Variants in SIKE1 observed in about 807,000 individuals in gnomAD.
The protein encoded by SIKE1 is suppressor of IKK epsilon.
SIKE1 carries 13 observed loss-of-function variants against 25.8 expected under a neutral mutation model. The observed-to-expected ratio is 0.50, with a 90% CI of 0.33 to 0.80. The LOEUF (loss-of-function observed/expected upper bound fraction) is 0.80, where lower values mean the gene tolerates loss of function less well. Ranked by LOEUF, SIKE1 falls within the 30% of genes least tolerant of loss-of-function variation. The pLI, the probability that SIKE1 is intolerant of heterozygous loss-of-function variation, is 0.02. For missense variants in SIKE1, 222 were observed against 252.4 expected (o/e 0.88, Z 0.82); for synonymous variants, 86 against 95.5 (o/e 0.90, Z 0.58).
Position 114,771,016 on chromosome 1 carries a change from T to C in SIKE1, c.*3255A>G, listed in dbSNP as rs1421566443. 6.6e-6 allele frequency: 1 copy of C among 152,246 alleles called. No homozygotes were observed. The highest frequency in any genetic ancestry group is 1.5e-5 in the Non-Finnish European group (1 of 68,042). The allele number at this position is 152,246 out of a possible 1,614,324, so 9.4% of individuals were successfully genotyped here. A position where few individuals can be genotyped will look rare whatever the true frequency, so the allele number is the denominator to read the frequency against. ...TTGCTTTCCCTCATAAAAGGCGATA[T>C]ATATAGCTGGCACAGGCCATTTCCA... is the stretch of plus-strand genomic sequence containing the variant. On this transcript the variant is annotated 3_prime_UTR_variant, in exon 5 of 5. Transcript: ENST00000060969.
In SIKE1 at chr1:114,780,546, T is replaced by A. The variant is rs772960809; in HGVS notation, c.62A>T (p.Glu21Val). 6.2e-7 allele frequency: 1 copy of A among 1,613,522 alleles called. No individual in the cohort carries two copies. Among genetic ancestry groups the A allele is most frequent in the South Asian group, 1.1e-5 (1 of 91,068 alleles). ...DAKTLLERLR[E>V]HDAAAESLVD... ...CAGCGACTCGGCGGCCGCATCGTGCTCCCGTAGCCTCTCCAGCAGCGTCTT... is the reference window on the plus strand; with the variant it reads ...CAGCGACTCGGCGGCCGCATCGTGCACCCGTAGCCTCTCCAGCAGCGTCTT... The change falls in exon 1 of 5, where the codon GAG becomes GTG. Residue 21 changes from glutamate (E) to valine (V), a missense_variant. Coordinates refer to ENST00000060969, the MANE Select transcript of SIKE1 (RefSeq NM_025073.3).
In SIKE1 at chr1:114,780,472, C is replaced by A. The variant is rs1662372542; in HGVS notation, c.136G>T (p.Ala46Ser). 6 of 1,613,110 alleles carry A rather than the reference C, an allele frequency of 3.7e-6. No homozygotes were observed. Among genetic ancestry groups the A allele is most frequent in the Non-Finnish European group, 4.2e-6 (5 of 1,180,044 alleles). The change falls in exon 1 of 5, where the codon GCG (alanine) becomes TCG (serine). Residue 46 changes from alanine (A) to serine (S), a missense_variant. Coordinates refer to ENST00000060969, the MANE Select transcript of SIKE1 (RefSeq NM_025073.3). ...ACCTGGTCCGGAAGCGCTGTCCCCG[C>A]CTCCCGCATAGCTGCTACCCGCCGG... ...LHRRVAAMRE[A>S]GTALPDQYQE... is the part of the protein sequence containing the mutation.
chr1:114,774,599 G>A (rs191310728), intron 4 of SIKE1, among the ~76,000 whole-genome samples: 227 of 152,246 alleles, frequency 1.5e-3, no homozygotes, highest in Non-Finnish European at 3.0e-3. Flanking sequence ...GTAATTTACT[G>A]AGTAATTTCT....
rs1662382476 is a variant in SIKE1, at chr1:114,780,616, C to A, written c.-9G>T. On this transcript the variant is annotated 5_prime_UTR_variant, in exon 1 of 5. Transcript: ENST00000060969. Reference sequence around the variant, plus strand: ...TCGATGGTGCAGCTCATAGCAGCAGCACCACCCCAGCCCCTGCCGGGCTCA... The same window carrying A: ...TCGATGGTGCAGCTCATAGCAGCAGAACCACCCCAGCCCCTGCCGGGCTCA... 3 of 1,604,598 alleles carry A rather than the reference C, an allele frequency of 1.9e-6. No individual in the cohort carries two copies. The highest frequency in any genetic ancestry group is 1.3e-5 in the African/African-American group (1 of 74,906).
chr1:114,779,512 T>C (rs1662342458), intron 2 of SIKE1, among the ~76,000 whole-genome samples: 1 of 152,228 alleles, frequency 6.6e-6, no homozygotes. Context: ...TCAGAAGACA[T>C]GTGTTTGAGT....
rs367762345 is a variant in SIKE1 at position 114,779,097 on chromosome 1, A to C, written c.408+45T>G. ...CAAGCACACAATCTAAAACAATCTCAAGATTTCAATTTGGTTCATTTCGAA... is the reference window on the plus strand; with the variant it reads ...CAAGCACACAATCTAAAACAATCTCCAGATTTCAATTTGGTTCATTTCGAA... On this transcript the variant is annotated intron_variant, in intron 3 of 4. Coordinates refer to ENST00000060969, the MANE Select transcript of SIKE1 (RefSeq NM_025073.3). The C allele has an allele frequency of 2.1e-5, 34 of 1,606,920 alleles. No individual in the cohort carries two copies. In the African/African-American group the frequency reaches 2.4e-4, roughly 11 times the overall value.
Position 114,780,636 on chromosome 1 carries a change from G to T in SIKE1, c.-29C>A. On this transcript the variant is annotated 5_prime_UTR_variant, in exon 1 of 5. Transcript: ENST00000060969. Reference sequence around the variant, plus strand: ...AGCAGCACCACCCCAGCCCCTGCCGGGCTCAGCTACGCGACTCGCTCAGAT... The same window carrying T: ...AGCAGCACCACCCCAGCCCCTGCCGTGCTCAGCTACGCGACTCGCTCAGAT... 2 of 1,570,222 alleles carry T rather than the reference G, an allele frequency of 1.3e-6. No individual in the cohort carries two copies. Among genetic ancestry groups the T allele is most frequent in the Non-Finnish European group, 1.7e-6 (2 of 1,152,356 alleles).
In SIKE1 at chr1:114,769,855, T is replaced by C. The variant is rs1337351926; in HGVS notation, c.*4416A>G. ...TCTTAAGTTAGGTGATGAGTTATTA[T>C]GCTTGATAATTTATTTGCATTCCCC... On this transcript the variant is annotated 3_prime_UTR_variant, in exon 5 of 5. Transcript: ENST00000060969. The C allele has an allele frequency of 6.6e-6, 1 of 152,198 alleles. No homozygotes were observed. Among genetic ancestry groups the C allele is most frequent in the Non-Finnish European group, 1.5e-5 (1 of 68,036 alleles). The allele number at this position is 152,198 out of a possible 1,614,324, so 9.4% of individuals were successfully genotyped here. A position where few individuals can be genotyped will look rare whatever the true frequency, so the allele number is the denominator to read the frequency against.
chr1:114,780,296 A>G, intron 1 of SIKE1, 81 bp from the exon 2 acceptor site: 1 of 1,547,922 alleles, frequency 6.5e-7, no homozygotes, highest in Non-Finnish European at 8.9e-7. Context: ...TTAGGGCTCC[A>G]GGGCAGGATT....
At chr1:114,776,219 A>T (rs906209022) in intron 4 of SIKE1, 127 bp downstream of exon 4, 9 of 650,564 alleles carry the variant, frequency 1.4e-5, no homozygotes, top group South Asian at 3.7e-5. Context: ...ATGAAGGAGG[A>T]GTTTTAATTT....
rs558734782 is a variant in SIKE1, at chr1:114,770,334, T to G, written c.*3937A>C. 1 of 152,388 alleles carries G rather than the reference T, an allele frequency of 6.6e-6. No individual in the cohort carries two copies. Among genetic ancestry groups the G allele is most frequent in the African/African-American group, 2.4e-5 (1 of 41,382 alleles). The allele number at this position is 152,388 out of a possible 1,614,324, so 9.4% of individuals were successfully genotyped here. ...ATCGCTTGAACCCAGGAGGTGGAGG[T>G]TGCAGTGAGTTAAGACAGTGCTACT... On this transcript the variant is annotated 3_prime_UTR_variant, in exon 5 of 5. Coordinates refer to ENST00000060969, the MANE Select transcript of SIKE1 (RefSeq NM_025073.3).
In SIKE1 at chr1:114,780,277, A is replaced by G. The variant is rs540912515; in HGVS notation, c.160-62T>C. 11 of 1,553,546 alleles carry G rather than the reference A, an allele frequency of 7.1e-6. No homozygotes were observed. In the East Asian group the frequency reaches 2.6e-4, roughly 37 times the overall value. ...AGAACAGCGGCAGATGCAACTGAAG[A>G]GGCAGAAGTTAGGGCTCCAGGGCAG... On this transcript the variant is annotated intron_variant, in intron 1 of 4. Transcript: ENST00000060969.
intron 3 of SIKE1, among the ~76,000 whole-genome samples, chr1:114,777,195 A>G (rs1662268305): frequency 6.6e-6 from 1 of 152,188 alleles, no homozygotes. Flanking sequence ...GCACATGTAT[A>G]CATATGTTAA....
chr1:114,770,087 A>C lies in SIKE1; in HGVS notation c.*4184T>G, dbSNP rs994177532. 1.3e-5 allele frequency: 2 copies of C among 152,242 alleles called. No individual in the cohort carries two copies. The highest frequency in any genetic ancestry group is 2.9e-5 in the Non-Finnish European group (2 of 68,044). 9.4% of individuals were successfully genotyped at this position (152,242 alleles called of 1,614,324 possible). A position where few individuals can be genotyped will look rare whatever the true frequency, so the allele number is the denominator to read the frequency against. On this transcript the variant is annotated 3_prime_UTR_variant, in exon 5 of 5. Transcript: ENST00000060969. Reference sequence around the variant, plus strand: ...AAAAGTAATTCTCAGGATCTCTAGGACAGCCAGCAAACAAGAATTAGAGGT... The same window carrying C: ...AAAAGTAATTCTCAGGATCTCTAGGCCAGCCAGCAAACAAGAATTAGAGGT...
chr1:114,776,360 A>C lies in SIKE1; in HGVS notation c.508T>G (p.Leu170Val), dbSNP rs769268008. The change falls in exon 4 of 5, where the codon TTA becomes GTA. Residue 170 changes from leucine (L) to valine (V), a missense_variant. Transcript: ENST00000060969. ...TACAATCTTACCTCTAATTGGGCTA[A>C]TTTTTCCTGAATCTTACAAAACTGG... The part of the protein sequence containing the change: ...DDQFCKIQEK[L>V]AQLELENKEL... 2 of 1,610,920 alleles carry C rather than the reference A, an allele frequency of 1.2e-6. No homozygotes were observed. The highest frequency in any genetic ancestry group is 2.2e-5 in the South Asian group (2 of 91,000).
intron 3 of SIKE1, 72 bp downstream of exon 3, chr1:114,779,070 A>T: frequency 1.3e-6 from 2 of 1,584,756 alleles, no homozygotes; most frequent in Non-Finnish European, 1.7e-6. Context: ...AAAGCAAAAA[A>T]ACAAGCACAC....
At chr1:114,780,299 G>A (rs1050463108) in intron 1 of SIKE1, 84 bp from the exon 2 acceptor site, 24 of 1,554,114 alleles carry the variant, frequency 1.5e-5, no homozygotes, top group Non-Finnish European at 2.1e-5. Flanking sequence ...GGGCTCCAGG[G>A]CAGGATTCTC....
At chr1:114,776,293 C>T in intron 4 of SIKE1, 53 bp downstream of exon 4, 1 of 1,086,086 alleles carries the variant, frequency 9.2e-7, no homozygotes, top group East Asian at 2.5e-5. Flanking sequence ...GGCATATCTT[C>T]CAGACTCGGA....
In SIKE1 at chr1:114,771,748, G is replaced by T. The variant is rs535362596; in HGVS notation, c.*2523C>A. ...GCATTATAATTTTATATATATACTT[G>T]TCTCCTGTACCAGACTTTTTCATTT... On this transcript the variant is annotated 3_prime_UTR_variant, in exon 5 of 5. Coordinates refer to ENST00000060969, the MANE Select transcript of SIKE1 (RefSeq NM_025073.3). 2.6e-5 allele frequency: 4 copies of T among 151,946 alleles called. No individual in the cohort carries two copies. The East Asian group carries it at 7.7e-4, about 29-fold the overall frequency. 9.4% of individuals were successfully genotyped at this position (151,946 alleles called of 1,614,324 possible). A position where few individuals can be genotyped will look rare whatever the true frequency, so the allele number is the denominator to read the frequency against.
Sources: gnomAD v4.1 joint callset for allele counts (sites outside exome capture counted in the v4.1 genomes callset) on GRCh38, gnomAD v4.1.1 for gene constraint, MANE v1.5 for transcripts, NCBI Gene and HGNC (gene_info 2026-07-23, HGNC 2026-07-21) for gene names.